CAST: variants seen among roughly 807,000 people sequenced by gnomAD.
CAST encodes MIR583 host.
A neutral mutation model predicts 119.6 loss-of-function variants in CAST; 76 were observed. The observed-to-expected ratio is 0.64, with a 90% CI of 0.53 to 0.77. CAST has a LOEUF of 0.77. Ranked by LOEUF, CAST falls within the 30% of genes least tolerant of loss-of-function variation. The pLI is 0.00. For missense variants in CAST, 953 were observed against 946.5 expected, an observed-to-expected ratio of 1.01 and a Z score of -0.09; for synonymous variants, 319 against 331.6, an observed-to-expected ratio of 0.96 and a Z score of 0.41.
At chr5:96,712,694 T>C (rs960177549) in intron 3 of CAST, among the ~76,000 whole-genome samples, 7 of 152,238 alleles carry the variant, frequency 4.6e-5, no homozygotes, top group Non-Finnish European at 7.3e-5. Context: ...AAAATTAAAC[T>C]TGCTGTCAGT....
At chr5:96,713,497 A>G (rs183859079) in intron 3 of CAST, among the ~76,000 whole-genome samples, 186 of 152,250 alleles carry the variant, frequency 1.2e-3, no homozygotes, top group African/African-American at 4.3e-3. Context: ...TGAGCTCATA[A>G]TCTGTCAGGG....
At chr5:96,311,461 A>G in the CAST span, among the ~76,000 whole-genome samples, 71 of 152,136 alleles carry the variant, frequency 4.7e-4, no homozygotes, top group Middle Eastern at 3.4e-3. Flanking sequence ...TTCAAGTCCA[A>G]TGTTTCCACA....
intron 22 of CAST, 86 bp from the exon 23 acceptor site, chr5:96,757,358 G>A (rs1288703197): frequency 8.4e-7 from 1 of 1,196,872 alleles, no homozygotes; most frequent in Non-Finnish European, 1.2e-6. Context: ...AGTATAACCT[G>A]TAGACCCTTT....
chr5:96,363,641 G>C, the CAST span, among the ~76,000 whole-genome samples: 1 of 152,116 alleles, frequency 6.6e-6, no homozygotes, highest in Non-Finnish European at 1.5e-5. Context: ...CTGTTTGTCT[G>C]TTATTGGTGT....
the CAST span, among the ~76,000 whole-genome samples, chr5:96,346,611 T>C: frequency 2.0e-5 from 3 of 152,156 alleles, no homozygotes; most frequent in Middle Eastern, 3.2e-3. Context: ...GTAGAAGGTA[T>C]ATACTACATC....
chr5:96,160,284 C>G, the CAST span, among the ~76,000 whole-genome samples: 18 of 152,114 alleles, frequency 1.2e-4, no homozygotes, highest in African/African-American at 4.3e-4. Context: ...CTCTCTTCAG[C>G]CCCTGGTAGC....
the CAST span, among the ~76,000 whole-genome samples, chr5:96,258,140 T>G: frequency 6.6e-6 from 1 of 152,202 alleles, no homozygotes; most frequent in South Asian, 2.1e-4. Flanking sequence ...TTTGCAACTT[T>G]CATGCACTCT....
At chr5:96,176,920 T>A in the CAST span, among the ~76,000 whole-genome samples, 2 of 152,186 alleles carry the variant, frequency 1.3e-5, no homozygotes, top group African/African-American at 4.8e-5. Flanking sequence ...TCATCTAAAT[T>A]TCTCTGTCAT....
rs1478430545 is a variant in CAST, at chr5:96,774,240, C to G, written c.*1624C>G. 2 of 153,970 alleles carry G rather than the reference C, an allele frequency of 1.3e-5. No homozygotes were observed. Among genetic ancestry groups the G allele is most frequent in the Admixed American group, 6.5e-5 (1 of 15,274 alleles). 9.5% of individuals were successfully genotyped at this position (153,970 alleles called of 1,614,324 possible). On this transcript the variant is annotated 3_prime_UTR_variant, in exon 32 of 32. Coordinates refer to ENST00000675179, the MANE Select transcript of CAST (RefSeq NM_001750.7). Reference sequence around the variant, plus strand: ...TTGCAAGGATACGGCTTCAGTATTACTAATTTCCATGTGTATCTGGAAGTA... The same window carrying G: ...TTGCAAGGATACGGCTTCAGTATTAGTAATTTCCATGTGTATCTGGAAGTA...
the CAST span, among the ~76,000 whole-genome samples, chr5:96,037,062 T>C: frequency 6.6e-6 from 1 of 152,216 alleles, no homozygotes; most frequent in South Asian, 2.1e-4. Context: ...GTCTTGACAC[T>C]AATAATCTTA....
intron 2 of CAST, among the ~76,000 whole-genome samples, chr5:96,693,226 G>C (rs1316814036): frequency 6.6e-6 from 1 of 152,164 alleles, no homozygotes; most frequent in East Asian, 1.9e-4. Context: ...GTCTTTAGGG[G>C]AACAGATCAT....
At chr5:96,383,129 T>C in the CAST span, among the ~76,000 whole-genome samples, 5 of 152,146 alleles carry the variant, frequency 3.3e-5, no homozygotes, top group African/African-American at 1.2e-4. Flanking sequence ...AAACACTATG[T>C]AGACACATAT....
the CAST span, among the ~76,000 whole-genome samples, chr5:96,452,590 A>G: frequency 7.0e-6 from 1 of 143,112 alleles, no homozygotes; most frequent in Non-Finnish European, 1.5e-5. Flanking sequence ...ATGTATACCT[A>G]GGTTACAAAC....
chr5:96,242,552 T>A, the CAST span, among the ~76,000 whole-genome samples: 2 of 152,248 alleles, frequency 1.3e-5, no homozygotes, highest in African/African-American at 4.8e-5. Context: ...TAAGAGACTA[T>A]GTACTGCAGA....
chr5:96,071,416 C>T, the CAST span, among the ~76,000 whole-genome samples: 1 of 152,086 alleles, frequency 6.6e-6, no homozygotes, highest in African/African-American at 2.4e-5. Flanking sequence ...ACTCGTATAT[C>T]AGTCCCCAGG....
At chr5:96,485,612 C>T in the CAST span, among the ~76,000 whole-genome samples, 2 of 151,978 alleles carry the variant, frequency 1.3e-5, no homozygotes, top group Non-Finnish European at 2.9e-5. Context: ...GGACCATTAA[C>T]GAAAAACATG....
the CAST span, among the ~76,000 whole-genome samples, chr5:95,999,882 A>G: frequency 2.0e-5 from 3 of 152,240 alleles, no homozygotes; most frequent in South Asian, 2.1e-4. Flanking sequence ...AACATATAAG[A>G]GTCCCCATTT....
At chr5:96,603,647 G>A (rs1471563393) in intron 1 of CAST, among the ~76,000 whole-genome samples, 2 of 151,236 alleles carry the variant, frequency 1.3e-5, no homozygotes, top group Non-Finnish European at 2.9e-5. Flanking sequence ...TTAATAACTA[G>A]AAAGAGTACA....
At chr5:96,737,560 G>T (rs1761918566) in intron 10 of CAST, among the ~76,000 whole-genome samples, 1 of 152,126 alleles carries the variant, frequency 6.6e-6, no homozygotes, top group Non-Finnish European at 1.5e-5. Context: ...CATCGGACTG[G>T]CAGCTTTAAT....
Sources: gnomAD v4.1 joint callset for allele counts (sites outside exome capture counted in the v4.1 genomes callset) on GRCh38, gnomAD v4.1.1 for gene constraint, MANE v1.5 for transcripts, NCBI Gene and HGNC (gene_info 2026-07-23, HGNC 2026-07-21) for gene names.